The following SERPINE2 variants were observed in gnomAD, a reference collection of about 807,000 sequenced individuals.
SERPINE2 encodes glia-derived nexin.
In SERPINE2, 14 loss-of-function variants were observed where a neutral mutation model predicts 36.3. The ratio of observed to expected loss-of-function variants is 0.39; its 90% CI spans 0.25 to 0.60. The LOEUF is 0.60. Ranked by LOEUF, SERPINE2 falls within the 20% of genes least tolerant of loss-of-function variation. SERPINE2 has a pLI of 0.57. For synonymous variants in SERPINE2, 192 were observed against 191.8 expected, an observed-to-expected ratio of 1.00 and a Z score of -0.01; for missense variants, 418 against 499.6, an observed-to-expected ratio of 0.84 and a Z score of 1.56.
intron 1 of SERPINE2, chr2:224,031,403 A>C: frequency 1.0e-6 from 1 of 985,482 alleles, no homozygotes; most frequent in Non-Finnish European, 1.2e-6. Context: ...CGTTGGGGGG[A>C]AAACAGAAAG....
In SERPINE2 at chr2:224,018,151, G is replaced by A. The variant is rs1691863583; in HGVS notation, c.-22-16229C>T. On this transcript the variant is annotated intron_variant, in intron 1 of 8. Transcript: ENST00000409304. The stretch of plus-strand genomic sequence containing the variant: ...GACTCCATCGACAGCCCTGATGATG[G>A]GCTTAGGAAATGATTGATGGTCACT... Among the ~76,000 whole-genome samples, 3 of 152,274 alleles carry A rather than the reference G, an allele frequency of 2.0e-5. No homozygotes were observed. The South Asian group carries it at 6.2e-4, about 32-fold the overall frequency.
At chr2:223,983,506 G>GACTT (rs760262705) in intron 5 of SERPINE2, among the ~76,000 whole-genome samples, 5 of 151,984 alleles carry the variant, frequency 3.3e-5, no homozygotes, top group African/African-American at 4.8e-5. Flanking sequence ...GCCCACCTCG[G>GACTT]CCTCCCAAAG....
chr2:223,996,850 G>A (rs1690908703), intron 3 of SERPINE2, among the ~76,000 whole-genome samples: 1 of 152,216 alleles, frequency 6.6e-6, no homozygotes, highest in African/African-American at 2.4e-5. Context: ...GCTGAGGCGA[G>A]AGGACTGCTT....
chr2:224,003,160 C>T (rs1001537444), intron 1 of SERPINE2, among the ~76,000 whole-genome samples: 1 of 151,912 alleles, frequency 6.6e-6, no homozygotes. Context: ...GTAAACAGTA[C>T]GCTGGGCAGA....
intron 3 of SERPINE2, among the ~76,000 whole-genome samples, chr2:223,992,250 TTCA>T (rs1690703101): frequency 6.6e-6 from 1 of 152,122 alleles, no homozygotes; most frequent in African/African-American, 2.4e-5. Flanking sequence ...TACAAAACTT[TTCA>T]TCAAGAAATT....
At chr2:223,987,197 C>T (rs1300849315) in intron 4 of SERPINE2, among the ~76,000 whole-genome samples, 1 of 152,142 alleles carries the variant, frequency 6.6e-6, no homozygotes, top group Admixed American at 6.5e-5. Flanking sequence ...TTCATTGAGA[C>T]AACACATACA....
At chr2:224,000,870 T>C (rs971745773) in intron 2 of SERPINE2, among the ~76,000 whole-genome samples, 1 of 152,222 alleles carries the variant, frequency 6.6e-6, no homozygotes, top group Non-Finnish European at 1.5e-5. Flanking sequence ...CTCACTCTTT[T>C]TTATGGCTGC....
At chr2:223,989,731 G>A (rs1375473652) in intron 4 of SERPINE2, among the ~76,000 whole-genome samples, 2 of 152,212 alleles carry the variant, frequency 1.3e-5, no homozygotes, top group Non-Finnish European at 2.9e-5. Flanking sequence ...TGAGAAGGGT[G>A]AGCTAAGCTG....
At chr2:223,988,343 A>ATTAGC (rs1690520434) in intron 4 of SERPINE2, among the ~76,000 whole-genome samples, 1 of 152,054 alleles carries the variant, frequency 6.6e-6, no homozygotes, top group Admixed American at 6.5e-5. Flanking sequence ...TAATTTTTAA[A>ATTAGC]CATTTTTTTG....
intron 2 of SERPINE2, among the ~76,000 whole-genome samples, chr2:223,999,027 CTCTT>C (rs1691002698): frequency 6.6e-6 from 1 of 152,192 alleles, no homozygotes; most frequent in African/African-American, 2.4e-5. Flanking sequence ...AATGCTTTCT[CTCTT>C]TCTTGTCTAA....
intron 3 of SERPINE2, among the ~76,000 whole-genome samples, chr2:223,992,532 T>C (rs1690717855): frequency 6.6e-6 from 1 of 152,170 alleles, no homozygotes; most frequent in Admixed American, 6.5e-5. Flanking sequence ...TTTAGAAACA[T>C]CAAACATTAT....
intron 2 of SERPINE2, 121 bp downstream of exon 2, chr2:224,001,493 GAGACTGACCCCAAGCCCCAAGTGGCACC>G: frequency 1.3e-6 from 1 of 788,268 alleles, no homozygotes; most frequent in Non-Finnish European, 1.9e-6. Context: ...TTCTTTAGAA[GAGACTGACCCCAAGCCCCAAGTGGCACC>G]AGCAAATCCC....
At chr2:223,988,331 G>T (rs1467363516) in intron 4 of SERPINE2, among the ~76,000 whole-genome samples, 1 of 152,078 alleles carries the variant, frequency 6.6e-6, no homozygotes, top group Admixed American at 6.6e-5. Flanking sequence ...ACCATGCCTG[G>T]CTAATTTTTA....
chr2:223,995,240 C>A (rs1690835085), intron 3 of SERPINE2, among the ~76,000 whole-genome samples: 1 of 152,204 alleles, frequency 6.6e-6, no homozygotes, highest in Non-Finnish European at 1.5e-5. Flanking sequence ...TGGGCTCTCC[C>A]ACTCTCTGTA....
chr2:224,033,358 A>T (rs1574854422), intron 1 of SERPINE2, among the ~76,000 whole-genome samples: 1 of 152,222 alleles, frequency 6.6e-6, no homozygotes, highest in Admixed American at 6.5e-5. Flanking sequence ...TTATAGGCTT[A>T]AAAAAGTGAG....
In SERPINE2 at chr2:223,980,230, A is replaced by G. The variant is rs539929702; in HGVS notation, c.1072+81T>C. The G allele has an allele frequency of 3.2e-5, 37 of 1,167,306 alleles. No homozygotes were observed. The African/African-American group carries it at 4.4e-4, about 14-fold the overall frequency. The allele number at this position is 1,167,306 out of a possible 1,614,324, so 72.3% of individuals were successfully genotyped here. On this transcript the variant is annotated intron_variant, in intron 7 of 8. Coordinates refer to ENST00000409304, the MANE Select transcript of SERPINE2 (RefSeq NM_001136528.2). Reference sequence around the variant, plus strand: ...CCTGGCTGGAAAGAGGGTGCATTACATATTTGCTCAACCAATGAGTATACA... The same window carrying G: ...CCTGGCTGGAAAGAGGGTGCATTACGTATTTGCTCAACCAATGAGTATACA...
intron 1 of SERPINE2, among the ~76,000 whole-genome samples, chr2:224,004,707 A>G (rs1188325420): frequency 6.6e-6 from 1 of 152,034 alleles, no homozygotes; most frequent in Non-Finnish European, 1.5e-5. Context: ...AAAATTTAAT[A>G]TAGCACAAAG....
intron 1 of SERPINE2, chr2:224,013,859 C>T (rs905417094): frequency 2.0e-5 from 3 of 152,220 alleles, no homozygotes; most frequent in Non-Finnish European, 2.9e-5. Flanking sequence ...TCACACCTTC[C>T]GCAGTGCTTG....
intron 1 of SERPINE2, among the ~76,000 whole-genome samples, chr2:224,028,085 G>A (rs971299251): frequency 7.2e-5 from 11 of 152,192 alleles, no homozygotes; most frequent in Admixed American, 2.0e-4. Flanking sequence ...TATGTGGGCC[G>A]CTAAGGGCTA....
Sources: allele counts gnomAD v4.1 joint callset (sites outside exome capture counted in the v4.1 genomes callset), GRCh38; gene constraint gnomAD v4.1.1; transcripts MANE v1.5; gene names NCBI Gene and HGNC (gene_info 2026-07-23, HGNC 2026-07-21).